RCL1: variants seen among roughly 807,000 people sequenced by gnomAD.
The protein encoded by RCL1 is RNA terminal phosphate cyclase like 1.
Under a neutral mutation model 42.4 loss-of-function variants are expected in RCL1, and 24 were observed. The observed-to-expected ratio is 0.57, with a 90% CI of 0.41 to 0.80. The LOEUF (loss-of-function observed/expected upper bound fraction) is 0.80, where lower values mean the gene tolerates loss of function less well. Ranked by LOEUF, RCL1 falls within the 30% of genes least tolerant of loss-of-function variation. RCL1 has a pLI of 0.00. For synonymous variants in RCL1, 228 were observed against 177.3 expected (o/e 1.29, Z -2.27); for missense variants, 578 against 467.9 (o/e 1.24, Z -2.17).
chr9:4,838,078 C>G (rs563911009), intron 5 of RCL1, among the ~76,000 whole-genome samples: 4 of 152,170 alleles, frequency 2.6e-5, no homozygotes, highest in African/African-American at 9.7e-5. Flanking sequence ...AAAAGAGCTG[C>G]CTTTGGAAAA....
In RCL1 at chr9:4,834,148, G is replaced by T; in HGVS notation, c.467G>T (p.Arg156Leu). 2 of 1,605,580 alleles carry T rather than the reference G, an allele frequency of 1.2e-6. No individual in the cohort carries two copies. Among genetic ancestry groups the T allele is most frequent in the South Asian group, 1.1e-5 (1 of 89,910 alleles). ...DGESFELKIV[R>L]RGMPPGGGGE... Reference sequence around the variant, plus strand: ...TTCTCACTCTCTGTGTAGATTGTGCGACGGGGAATGCCTCCCGGAGGAGGA... The same window carrying T: ...TTCTCACTCTCTGTGTAGATTGTGCTACGGGGAATGCCTCCCGGAGGAGGA... Residue 156 changes from arginine (R) to leucine (L), a missense_variant, in exon 5 of 9, where the codon CGA becomes CTA. Transcript: ENST00000381750.
chr9:4,831,235 T>G (rs945053144), intron 3 of RCL1, among the ~76,000 whole-genome samples: 1 of 151,724 alleles, frequency 6.6e-6, no homozygotes, highest in Non-Finnish European at 1.5e-5. Context: ...CTTGCTGAAC[T>G]AAGTAAATTT....
intron 3 of RCL1, among the ~76,000 whole-genome samples, chr9:4,829,102 C>T: frequency 6.6e-6 from 1 of 152,176 alleles, no homozygotes; most frequent in Admixed American, 6.5e-5. Flanking sequence ...GTGGGGTGGA[C>T]AGCTGGGAAC....
chr9:4,833,178 C>G lies in RCL1; in HGVS notation c.409C>G (p.Leu137Val), dbSNP rs554625134. 1.2e-6 allele frequency: 2 copies of G among 1,612,670 alleles called. No individual in the cohort carries two copies. Among genetic ancestry groups the G allele is most frequent in the Non-Finnish European group, 1.7e-6 (2 of 1,178,724 alleles). The change falls in exon 4 of 9, where the codon CTC becomes GTC. Residue 137 changes from leucine (L) to valine (V), a missense_variant. Transcript: ENST00000381750. ...PSVDVLKATA[L>V]PLLKQFGIDG... is the part of the protein sequence containing the mutation. ...GGTTGATGTTCTTAAGGCAACAGCA[C>G]TCCCTTTGTTGAAACAATTTGGGAT...
rs542599845 is a variant in RCL1 at position 4,836,103 on chromosome 9, A to G, written c.584+1838A>G. ...AGATGTGCCTTCACAGGGGAGCATC[A>G]TAACTGAAGATAAGAAAAAGGCTGT... On this transcript the variant is annotated intron_variant, in intron 5 of 8. Transcript: ENST00000381750. Among the ~76,000 whole-genome samples the G allele has an allele frequency of 2.7e-4, 41 of 152,338 alleles. 1 individual carries two copies. In the East Asian group the frequency reaches 7.5e-3, roughly 28 times the overall value.
chr9:4,811,226 G>A lies in RCL1; in HGVS notation c.137-12322G>A, dbSNP rs183058847. 5.5e-4 allele frequency among the ~76,000 whole-genome samples: 82 copies of A among 149,562 alleles called. No homozygotes were observed. In the East Asian group the frequency reaches 0.015, roughly 28 times the overall value. On this transcript the variant is annotated intron_variant, in intron 1 of 8. Transcript: ENST00000381750. Reference sequence around the variant, plus strand: ...GAGCCCAGGAGTTGGAGGTTGCAGTGAGTCATGATCACACCACTGCACTGG... The same window carrying A: ...GAGCCCAGGAGTTGGAGGTTGCAGTAAGTCATGATCACACCACTGCACTGG...
At chr9:4,811,539 TC>T (rs1250087988) in intron 1 of RCL1, among the ~76,000 whole-genome samples, 1 of 152,186 alleles carries the variant, frequency 6.6e-6, no homozygotes, top group Non-Finnish European at 1.5e-5. Context: ...GTCTGGCTTA[TC>T]TTACTTAACA....
intron 1 of RCL1, among the ~76,000 whole-genome samples, chr9:4,795,100 C>G (rs1842892935): frequency 6.6e-6 from 1 of 151,530 alleles, no homozygotes; most frequent in African/African-American, 2.4e-5. Flanking sequence ...TTTTTTGAGA[C>G]AGAGTCTTAC....
chr9:4,800,458 A>C (rs1182561377), intron 1 of RCL1, among the ~76,000 whole-genome samples: 1 of 150,646 alleles, frequency 6.6e-6, no homozygotes, highest in Non-Finnish European at 1.5e-5. Flanking sequence ...TAGGTGATCC[A>C]CCCACCTCAG....
intron 7 of RCL1, among the ~76,000 whole-genome samples, chr9:4,846,265 A>T (rs1415786044): frequency 6.6e-6 from 1 of 152,224 alleles, no homozygotes; most frequent in African/African-American, 2.4e-5. Flanking sequence ...CTAATTAAAA[A>T]TGGAAGACAG....
intron 1 of RCL1, among the ~76,000 whole-genome samples, chr9:4,797,686 T>G (rs966254372): frequency 2.1e-4 from 32 of 152,180 alleles, no homozygotes; most frequent in Non-Finnish European, 2.9e-5. Flanking sequence ...CAGTAGTAAT[T>G]AAACCTTTTC....
intron 1 of RCL1, among the ~76,000 whole-genome samples, chr9:4,807,867 A>T (rs931989737): frequency 7.2e-5 from 11 of 151,828 alleles, no homozygotes; most frequent in African/African-American, 2.7e-4. Context: ...GTGTTTGGAT[A>T]TTTTCTGCTA....
At chr9:4,810,281 A>T (rs565706936) in intron 1 of RCL1, among the ~76,000 whole-genome samples, 2 of 152,206 alleles carry the variant, frequency 1.3e-5, no homozygotes, top group South Asian at 4.1e-4. Context: ...CGATGTAGCT[A>T]TTACCCATGA....
intron 1 of RCL1, among the ~76,000 whole-genome samples, chr9:4,816,883 C>A (rs1485346137): frequency 6.6e-6 from 1 of 152,148 alleles, no homozygotes; most frequent in Non-Finnish European, 1.5e-5. Context: ...GTGGCGCGAT[C>A]TCGGCTCACT....
intron 1 of RCL1, among the ~76,000 whole-genome samples, chr9:4,806,655 T>C (rs1466824029): frequency 1.3e-5 from 2 of 151,676 alleles, no homozygotes; most frequent in African/African-American, 4.8e-5. Context: ...TATATATTGC[T>C]GAATTTTATT....
At chr9:4,826,836 G>C in intron 2 of RCL1, 22 bp from the exon 3 acceptor site, 2 of 1,579,362 alleles carry the variant, frequency 1.3e-6, no homozygotes, top group African/African-American at 1.4e-5. Context: ...GCTGAATGTG[G>C]CTCTTTTTCT....
At chr9:4,831,639 TA>T (rs1816946752) in intron 3 of RCL1, among the ~76,000 whole-genome samples, 2 of 110,834 alleles carry the variant, frequency 1.8e-5, no homozygotes, top group South Asian at 2.7e-4. Context: ...ATGCCCAGCT[TA>T]TTTTTTTTTA....
At chr9:4,797,984 T>C (rs1842940740) in intron 1 of RCL1, among the ~76,000 whole-genome samples, 1 of 152,252 alleles carries the variant, frequency 6.6e-6, no homozygotes, top group Non-Finnish European at 1.5e-5. Flanking sequence ...ATTGTACTCT[T>C]CCTTTCATTG....
At chr9:4,858,924 T>A (rs1818058602) in intron 8 of RCL1, among the ~76,000 whole-genome samples, 1 of 152,204 alleles carries the variant, frequency 6.6e-6, no homozygotes, top group Non-Finnish European at 1.5e-5. Context: ...ACAACATAGA[T>A]TTCTGGCCTC....
Sources: gnomAD v4.1 joint callset for allele counts (sites outside exome capture counted in the v4.1 genomes callset) on GRCh38, gnomAD v4.1.1 for gene constraint, MANE v1.5 for transcripts, NCBI Gene and HGNC (gene_info 2026-07-23, HGNC 2026-07-21) for gene names.